Variants in UST observed in about 807,000 individuals in gnomAD.
UST encodes the protein uronyl 2-sulfotransferase.
A neutral mutation model predicts 45.6 loss-of-function variants in UST; 21 were observed. The observed-to-expected ratio is 0.46, with a 90% CI of 0.33 to 0.66. The LOEUF is 0.66. UST is among the 30% of genes least tolerant of loss of function. The probability of loss-of-function intolerance (pLI) is 0.02; values close to 1 mark genes in which losing one functional copy is unlikely to be tolerated. For missense variants in UST, 463 were observed against 512.4 expected, an observed-to-expected ratio of 0.90 and a Z score of 0.93; for synonymous variants, 215 against 200.6, an observed-to-expected ratio of 1.07 and a Z score of -0.61.
At chr6:148,917,426 T>C (rs1383013384) in intron 2 of UST, among the ~76,000 whole-genome samples, 1 of 151,608 alleles carries the variant, frequency 6.6e-6, no homozygotes, top group African/African-American at 2.4e-5. Flanking sequence ...ACTAACTGTA[T>C]ATAAAGAGAC....
At chr6:148,765,018 G>T (rs753667233) in intron 1 of UST, among the ~76,000 whole-genome samples, 1 of 152,244 alleles carries the variant, frequency 6.6e-6, no homozygotes, top group South Asian at 2.1e-4. Flanking sequence ...TTTTCCCAAC[G>T]CTGTTAATTA....
intron 5 of UST, among the ~76,000 whole-genome samples, chr6:148,967,399 GA>G (rs2114963322): frequency 6.6e-6 from 1 of 152,320 alleles, no homozygotes; most frequent in South Asian, 2.1e-4. Flanking sequence ...GTTCCAGCCT[GA>G]CCTGGTTAGA....
chr6:148,831,866 A>G (rs1674240923), intron 1 of UST, among the ~76,000 whole-genome samples: 2 of 152,226 alleles, frequency 1.3e-5, no homozygotes, highest in African/African-American at 4.8e-5. Flanking sequence ...TCCCGAAGTC[A>G]TATATAGGGC....
At chr6:148,943,388 C>T (rs1780169694) in intron 3 of UST, among the ~76,000 whole-genome samples, 1 of 152,140 alleles carries the variant, frequency 6.6e-6, no homozygotes, top group Non-Finnish European at 1.5e-5. Flanking sequence ...ACACAAAGTA[C>T]AGTATTTAAA....
At chr6:148,819,856 C>T (rs1447059241) in intron 1 of UST, among the ~76,000 whole-genome samples, 2 of 152,126 alleles carry the variant, frequency 1.3e-5, no homozygotes, top group Non-Finnish European at 2.9e-5. Flanking sequence ...TTAAGAGTAG[C>T]CTTATTATCT....
chr6:149,004,769 A>G (rs1781615594), intron 5 of UST, among the ~76,000 whole-genome samples: 1 of 144,016 alleles, frequency 6.9e-6, no homozygotes, highest in Non-Finnish European at 1.6e-5. Flanking sequence ...AATCTCAGAA[A>G]CAAGGAAGAA....
intron 1 of UST, among the ~76,000 whole-genome samples, chr6:148,764,939 A>G (rs901787766): frequency 3.3e-5 from 5 of 152,140 alleles, no homozygotes; most frequent in African/African-American, 1.2e-4. Flanking sequence ...TTTCATCCCT[A>G]TCTATATCTG....
chr6:148,876,941 C>T (rs939773544), intron 1 of UST, among the ~76,000 whole-genome samples: 2 of 116,890 alleles, frequency 1.7e-5, no homozygotes, highest in Admixed American at 2.3e-4. Context: ...TTCTTACTTG[C>T]GGATCCTGTG....
chr6:148,955,744 G>C (rs1780481403), intron 4 of UST: 1 of 152,242 alleles, frequency 6.6e-6, no homozygotes, highest in Non-Finnish European at 1.5e-5. Context: ...GTTTCCTTCT[G>C]AGTCACCCCT....
intron 1 of UST, among the ~76,000 whole-genome samples, chr6:148,856,392 A>G (rs1778206019): frequency 6.6e-6 from 1 of 152,174 alleles, no homozygotes; most frequent in Non-Finnish European, 1.5e-5. Context: ...CTAAACAAAT[A>G]AAACCAGAGC....
intron 7 of UST, among the ~76,000 whole-genome samples, chr6:149,026,716 T>C (rs750299092): frequency 6.6e-6 from 1 of 152,220 alleles, no homozygotes; most frequent in Non-Finnish European, 1.5e-5. Flanking sequence ...TGACCTAATA[T>C]TAACCCATTA....
At chr6:148,901,653 G>A (rs1040489784) in intron 2 of UST, among the ~76,000 whole-genome samples, 2 of 151,766 alleles carry the variant, frequency 1.3e-5, no homozygotes, top group Non-Finnish European at 2.9e-5. Context: ...TGCCTCCCGG[G>A]TTCAAATGAT....
intron 1 of UST, among the ~76,000 whole-genome samples, chr6:148,867,645 G>A (rs1218005006): frequency 3.3e-5 from 5 of 151,994 alleles, no homozygotes; most frequent in South Asian, 2.1e-4. Flanking sequence ...AACCCCTTTC[G>A]CTTGGCTCTC....
At chr6:148,923,588 A>G (rs1008704336) in intron 2 of UST, among the ~76,000 whole-genome samples, 2 of 152,112 alleles carry the variant, frequency 1.3e-5, no homozygotes, top group Non-Finnish European at 2.9e-5. Flanking sequence ...TCTCTTCCTA[A>G]TTATTTTTAG....
intron 7 of UST, among the ~76,000 whole-genome samples, chr6:149,061,618 A>C (rs927295161): frequency 6.6e-6 from 1 of 152,206 alleles, no homozygotes; most frequent in East Asian, 1.9e-4. Flanking sequence ...CAATCCACTG[A>C]CATATGCATT....
chr6:148,936,529 A>C (rs1242978065), intron 2 of UST, among the ~76,000 whole-genome samples: 1 of 150,770 alleles, frequency 6.6e-6, no homozygotes, highest in Non-Finnish European at 1.5e-5. Flanking sequence ...TACATGTCAC[A>C]GAACCTAGGA....
intron 3 of UST, among the ~76,000 whole-genome samples, chr6:148,944,049 C>T (rs1404296229): frequency 1.3e-5 from 2 of 151,978 alleles, no homozygotes; most frequent in African/African-American, 2.4e-5. Context: ...TTTCAACGTG[C>T]ATAAACAGAA....
Position 148,882,685 on chromosome 6 carries a change from TAGTC to T in UST, c.248-4298_248-4295del, listed in dbSNP as rs573237536. On this transcript the variant is annotated intron_variant, in intron 1 of 7. Coordinates refer to ENST00000367463, the MANE Select transcript of UST (RefSeq NM_005715.3). ...TTTATGGAGCAGGAGGTGTCAACAG[TAGTC>T]AGCCTGTATGGGTTTGAATTCCGCT... Among the ~76,000 whole-genome samples the T allele has an allele frequency of 2.2e-4, 34 of 152,202 alleles. No homozygotes were observed. In the East Asian group the frequency reaches 6.4e-3, roughly 29 times the overall value.
At chr6:149,009,954 T>C (rs1775777382) in intron 5 of UST, among the ~76,000 whole-genome samples, 1 of 151,602 alleles carries the variant, frequency 6.6e-6, no homozygotes, top group South Asian at 2.1e-4. Flanking sequence ...CCATCTTAGA[T>C]CCAATCATTT....
Sources: gnomAD v4.1 joint callset for allele counts (sites outside exome capture counted in the v4.1 genomes callset) on GRCh38, gnomAD v4.1.1 for gene constraint, MANE v1.5 for transcripts, NCBI Gene and HGNC (gene_info 2026-07-23, HGNC 2026-07-21) for gene names.